ZNF292: variants seen among roughly 807,000 people sequenced by gnomAD.
ZNF292 encodes zinc finger protein 292.
In ZNF292, 26 loss-of-function variants were observed where a neutral mutation model predicts 217.9. The observed-to-expected ratio is 0.12, with a 90% CI of 0.09 to 0.17. The LOEUF (loss-of-function observed/expected upper bound fraction) is 0.17. Among genes scored for constraint, ZNF292 ranks in the 10% least tolerant of loss-of-function variants. ZNF292 has a pLI of 1.00. For synonymous variants in ZNF292, 1,257 were observed against 1,124.1 expected, an observed-to-expected ratio of 1.12 and a Z score of -2.37; for missense variants, 2,904 against 3,175.2, an observed-to-expected ratio of 0.91 and a Z score of 2.05.
At position 87,256,516 on chromosome 6, in the gene ZNF292, G is replaced by A. The variant is rs1475310270; in HGVS notation, c.2887G>A (p.Gly963Ser). ...AGAAAACTCAACTGTGGAAGGCAGT[G>A]GTGAAGCACTGGTCACAGACTTACA... ...KQENSTVEGS[G>S]EALVTDLHTP... Residue 963 changes from glycine (G) to serine (S), a missense_variant, in exon 8 of 8, where the codon GGT (glycine) becomes AGT (serine). By Grantham distance (56) the Gly-to-Ser change is moderately conservative. Around this residue, in one of 15 missense-constraint regions of ZNF292, gnomAD observed 687 missense variants for 623.0 expected, o/e 1.10. Transcript: ENST00000369577. The A allele has an allele frequency of 6.2e-7, 1 of 1,612,666 alleles. No homozygotes were observed. The highest frequency in any genetic ancestry group is 1.3e-5 in the African/African-American group (1 of 74,934).
chr6:87,157,335 G>T (rs944078598), intron 1 of ZNF292, among the ~76,000 whole-genome samples: 3 of 152,118 alleles, frequency 2.0e-5, no homozygotes, highest in Admixed American at 6.5e-5. Context: ...AAATTTCTCA[G>T]TTTCTCTACT....
Position 87,255,390 on chromosome 6 carries a change from T to C in ZNF292, c.1761T>C (p.His587=), listed in dbSNP as rs1191241854. ...ATTCTAAAGAAACTTTTGTCCCTCA[T>C]GTCACACTGCATGTTAAACAATCTA... The part of the protein sequence containing the change: ...NFNSKETFVP[H]VTLHVKQSSK... Residue 587 remains histidine (H), a synonymous_variant, in exon 8 of 8, where the codon CAT becomes CAC. Coordinates refer to ENST00000369577, the MANE Select transcript of ZNF292 (RefSeq NM_015021.3). 3.1e-6 allele frequency: 5 copies of C among 1,613,830 alleles called. No homozygotes were observed. The highest frequency in any genetic ancestry group is 1.7e-5 in the Admixed American group (1 of 59,992).
Position 87,265,372 on chromosome 6 carries a change from C to A in ZNF292, c.*3571C>A, listed in dbSNP as rs1231321562. ...TACCTCAGCCACCCAAGTAGGTGCACACCACCACACCTGGCTGATTTTATA... is the reference window on the plus strand; with the variant it reads ...TACCTCAGCCACCCAAGTAGGTGCAAACCACCACACCTGGCTGATTTTATA... On this transcript the variant is annotated 3_prime_UTR_variant, in exon 8 of 8. Coordinates refer to ENST00000369577, the MANE Select transcript of ZNF292 (RefSeq NM_015021.3). Among the ~76,000 whole-genome samples the A allele has an allele frequency of 2.0e-5, 3 of 152,074 alleles. No homozygotes were observed. The highest frequency in any genetic ancestry group is 7.2e-5 in the African/African-American group (3 of 41,412).
chr6:87,259,800 A>G lies in ZNF292; in HGVS notation c.6171A>G (p.Leu2057=), dbSNP rs1408435150. The G allele has an allele frequency of 6.2e-7, 1 of 1,608,886 alleles. No individual in the cohort carries two copies. The highest frequency in any genetic ancestry group is 8.5e-7 in the Non-Finnish European group (1 of 1,177,374). The change falls in exon 8 of 8, where the codon TTA becomes TTG. Residue 2057 remains leucine (L), a synonymous_variant. Transcript: ENST00000369577. ...GTCCTGACAAAACAGAAAGTTCTTT[A>G]CAAGTGATTACAGTTACTTCAGAAC... The part of the protein sequence containing the change: ...KKSPDKTESS[L]QVITVTSEQC...
intron 1 of ZNF292, among the ~76,000 whole-genome samples, chr6:87,177,922 CT>C (rs1280930120): frequency 6.6e-6 from 1 of 150,412 alleles, no homozygotes; most frequent in African/African-American, 2.5e-5. Context: ...CCCATCCTAA[CT>C]GATTGGCACC....
chr6:87,164,762 C>CTTTTTTTTT (rs36077738), intron 1 of ZNF292, among the ~76,000 whole-genome samples: 1 of 128,362 alleles, frequency 7.8e-6, no homozygotes. Context: ...GGAATGACCT[C>CTTTTTTTTT]TTTTTTTTTT....
chr6:87,196,279 T>G (rs560583484), intron 1 of ZNF292, among the ~76,000 whole-genome samples: 48 of 152,214 alleles, frequency 3.2e-4, no homozygotes, highest in Non-Finnish European at 5.6e-4. Flanking sequence ...AATGTGATGT[T>G]TTTTTCCTCT....
intron 5 of ZNF292, among the ~76,000 whole-genome samples, chr6:87,240,809 C>T (rs1007827488): frequency 2.6e-5 from 4 of 152,042 alleles, no homozygotes; most frequent in South Asian, 2.1e-4. Context: ...TTATTAAACC[C>T]GAACAAGTAA....
intron 5 of ZNF292, among the ~76,000 whole-genome samples, chr6:87,242,072 A>G (rs1774319713): frequency 6.6e-6 from 1 of 152,242 alleles, no homozygotes; most frequent in Admixed American, 6.5e-5. Flanking sequence ...GTTACGATTA[A>G]TAATATATAT....
rs555748283 is a variant in ZNF292, at chr6:87,193,452, A to G, written c.169-22451A>G. ...CTACTTGGGAGGCTGAGGTGGGAGG[A>G]TTGCTTGAGCCTGAGAGGTTGAGGC... On this transcript the variant is annotated intron_variant, in intron 1 of 7. Transcript: ENST00000369577. Among the ~76,000 whole-genome samples the G allele has an allele frequency of 2.6e-5, 4 of 151,730 alleles. No individual in the cohort carries two copies. The South Asian group carries it at 6.3e-4, about 24-fold the overall frequency.
At chr6:87,158,903 G>C (rs114899273) in intron 1 of ZNF292, among the ~76,000 whole-genome samples, 3 of 152,204 alleles carry the variant, frequency 2.0e-5, no homozygotes, top group Admixed American at 6.5e-5. Flanking sequence ...ATAGTCACAC[G>C]CTTCAAGAAG....
intron 5 of ZNF292, among the ~76,000 whole-genome samples, chr6:87,239,500 C>A (rs796302700): frequency 6.6e-4 from 3 of 4,522 alleles, no homozygotes; most frequent in Non-Finnish European, 2.2e-3. Context: ...CCCCCCACCT[C>A]CCTCCCTGAT....
Position 87,260,763 on chromosome 6 carries a change from T to C in ZNF292, c.7134T>C (p.Cys2378=). Residue 2378 remains cysteine, a synonymous_variant, in exon 8 of 8, where the codon TGT becomes TGC. Transcript: ENST00000369577. The stretch of plus-strand genomic sequence containing the variant: ...CTAGAAATGATGCCCTGTCTGAGTG[T>C]ACAAGCAGATTTGTAACCCAGTATC... ...IKARNDALSE[C]TSRFVTQYPC... is the part of the protein sequence containing the mutation. 5.0e-6 allele frequency: 8 copies of C among 1,613,466 alleles called. No homozygotes were observed. Among genetic ancestry groups the C allele is most frequent in the Non-Finnish European group, 6.8e-6 (8 of 1,179,642 alleles).
intron 4 of ZNF292, among the ~76,000 whole-genome samples, chr6:87,220,736 TTAACCAA>T (rs1227653259): frequency 6.6e-6 from 1 of 152,230 alleles, no homozygotes; most frequent in Non-Finnish European, 1.5e-5. Flanking sequence ...ATTGTATCTG[TTAACCAA>T]TGTCTCTGCC....
intron 7 of ZNF292, among the ~76,000 whole-genome samples, chr6:87,253,845 C>G (rs544452745): frequency 3.9e-5 from 6 of 152,142 alleles, no homozygotes; most frequent in Non-Finnish European, 8.8e-5. Flanking sequence ...TATCTTATTT[C>G]TCATTTATCA....
At chr6:87,250,106 G>A (rs757716661) in intron 7 of ZNF292, among the ~76,000 whole-genome samples, 1 of 151,346 alleles carries the variant, frequency 6.6e-6, no homozygotes, top group Non-Finnish European at 1.5e-5. Context: ...AATACAGTTG[G>A]CCCTCCATAT....
chr6:87,255,720 T>C lies in ZNF292; in HGVS notation c.2091T>C (p.Asn697=). 1 of 1,613,410 alleles carries C rather than the reference T, an allele frequency of 6.2e-7. No individual in the cohort carries two copies. Among genetic ancestry groups the C allele is most frequent in the East Asian group, 2.2e-5 (1 of 44,872 alleles). The change falls in exon 8 of 8, where the codon AAT becomes AAC. Residue 697 remains asparagine, a synonymous_variant. Transcript: ENST00000369577. ...FCKKGFKYFK[N]LIAHVKGHKD... ...AAAAGGGCTTTAAGTACTTTAAAAA[T>C]TTAATTGCTCATGTGAAGGGGCATA...
chr6:87,187,331 G>T (rs1330336219), intron 1 of ZNF292, among the ~76,000 whole-genome samples: 1 of 152,046 alleles, frequency 6.6e-6, no homozygotes. Context: ...AAGTTTAAAA[G>T]AAAATCTTGT....
intron 1 of ZNF292, among the ~76,000 whole-genome samples, chr6:87,176,624 T>C (rs1351287393): frequency 1.3e-5 from 2 of 152,190 alleles, no homozygotes; most frequent in African/African-American, 4.8e-5. Flanking sequence ...CTCAATGTTT[T>C]CTTCCTTTCA....
Sources: gnomAD v4.1 joint callset for allele counts (sites outside exome capture counted in the v4.1 genomes callset) on GRCh38, gnomAD v4.1.1 for gene constraint, gnomAD v4.1.1 regional missense constraint, MANE v1.5 for transcripts, NCBI Gene and HGNC (gene_info 2026-07-23, HGNC 2026-07-21) for gene names.